The following PATJ variants were observed in gnomAD, a reference collection of about 807,000 sequenced individuals.
PATJ encodes the protein PATJ crumbs cell polarity complex component.
Under a neutral mutation model 224.9 loss-of-function variants are expected in PATJ, and 190 were observed. The ratio of observed to expected loss-of-function variants is 0.84; its 90% CI spans 0.75 to 0.95. The LOEUF is 0.95. Ranked by LOEUF, PATJ falls within the 40% of genes least tolerant of loss-of-function variation. The pLI, the probability that PATJ is intolerant of heterozygous loss-of-function variation, is 0.00. For synonymous variants in PATJ, 769 were observed against 820.3 expected (o/e 0.94, Z 1.07); for missense variants, 2,121 against 2,270.3 (o/e 0.93, Z 1.34).
rs143864042 is a variant in PATJ, at chr1:61,899,938, C to T, written c.3203+284C>T. Reference sequence around the variant, plus strand: ...TTTATCACTATGTCATTAAGCAAGTCAGGTAAAGCTGCCTTGAATGCAGTA... The same window carrying T: ...TTTATCACTATGTCATTAAGCAAGTTAGGTAAAGCTGCCTTGAATGCAGTA... On this transcript the variant is annotated intron_variant, in intron 23 of 43. Coordinates refer to ENST00000642238, the MANE Select transcript of PATJ (RefSeq NM_001350145.3). Among the ~76,000 whole-genome samples the T allele has an allele frequency of 1.4e-4, 21 of 152,294 alleles. No individual in the cohort carries two copies. The South Asian group carries it at 1.9e-3, about 14-fold the overall frequency.
intron 29 of PATJ, among the ~76,000 whole-genome samples, chr1:62,026,587 A>C (rs1227390736): frequency 6.6e-6 from 1 of 152,114 alleles, no homozygotes; most frequent in East Asian, 1.9e-4. Context: ...CAGCCTGCTC[A>C]ACAATCCAGG....
At chr1:62,116,498 G>A (rs759694871) in intron 35 of PATJ, 34 bp from the exon 36 acceptor site, 6 of 1,610,532 alleles carry the variant, frequency 3.7e-6, no homozygotes, top group Admixed American at 1.7e-5. Context: ...ATATTAGGTT[G>A]TGCCAATACT....
chr1:62,011,338 T>G (rs770264379), intron 28 of PATJ, among the ~76,000 whole-genome samples: 1 of 152,214 alleles, frequency 6.6e-6, no homozygotes, highest in South Asian at 2.1e-4. Context: ...TCCTTTTACT[T>G]GAACACTTAA....
At chr1:61,853,417 T>C (rs981628713) in intron 17 of PATJ, among the ~76,000 whole-genome samples, 2 of 152,148 alleles carry the variant, frequency 1.3e-5, no homozygotes, top group African/African-American at 4.8e-5. Flanking sequence ...TTTATTTGCT[T>C]TTGGTATATT....
intron 9 of PATJ, among the ~76,000 whole-genome samples, chr1:61,794,325 T>C (rs960000957): frequency 6.6e-6 from 1 of 151,940 alleles, no homozygotes; most frequent in African/African-American, 2.4e-5. Flanking sequence ...TTTAAATTTT[T>C]TGTGAGATGA....
chr1:62,008,768 A>T (rs1646253246), intron 28 of PATJ, among the ~76,000 whole-genome samples: 2 of 152,180 alleles, frequency 1.3e-5, no homozygotes, highest in Admixed American at 1.3e-4. Context: ...TAAATAAATA[A>T]ATAAGTAATT....
rs2148903544 is a variant in PATJ at position 62,117,900 on chromosome 1, G to T, written c.4890+682G>T. Among the ~76,000 whole-genome samples, 2 of 152,212 alleles carry T rather than the reference G, an allele frequency of 1.3e-5. 1 individual carries two copies. Among genetic ancestry groups the T allele is most frequent in the South Asian group, 4.1e-4 (2 of 4,824 alleles). ...TATGTGACCCCTAAGTCTCCTCTCT[G>T]GGTTATGGATAGGCCGCCTTAGTTT... On this transcript the variant is annotated intron_variant, in intron 37 of 43. Transcript: ENST00000642238.
At chr1:62,144,547 T>G (rs1388191453) in intron 41 of PATJ, among the ~76,000 whole-genome samples, 1 of 151,998 alleles carries the variant, frequency 6.6e-6, no homozygotes, top group African/African-American at 2.4e-5. Flanking sequence ...AAGGAGCTCT[T>G]GAGAAAGTAT....
chr1:62,071,911 C>T (rs1280086408), intron 31 of PATJ, among the ~76,000 whole-genome samples: 1 of 152,166 alleles, frequency 6.6e-6, no homozygotes, highest in African/African-American at 2.4e-5. Context: ...TACACCTCAC[C>T]ACCTGGGTGT....
At chr1:62,087,318 C>T (rs902276980) in intron 33 of PATJ, among the ~76,000 whole-genome samples, 1 of 152,046 alleles carries the variant, frequency 6.6e-6, no homozygotes, top group African/African-American at 2.4e-5. Context: ...AGTTGCTTCT[C>T]CTCAGTCAAG....
intron 27 of PATJ, among the ~76,000 whole-genome samples, chr1:61,933,207 G>A (rs1269332793): frequency 6.6e-6 from 1 of 152,162 alleles, no homozygotes; most frequent in Non-Finnish European, 1.5e-5. Flanking sequence ...TCAAAGGTAT[G>A]TATTGATGGT....
At chr1:61,790,411 T>A (rs1178885752) in intron 8 of PATJ, among the ~76,000 whole-genome samples, 2 of 152,030 alleles carry the variant, frequency 1.3e-5, no homozygotes, top group Admixed American at 1.3e-4. Flanking sequence ...AACAATATCC[T>A]TTGTTAGTTC....
At chr1:61,789,604 G>A (rs1352510797) in intron 8 of PATJ, among the ~76,000 whole-genome samples, 1 of 151,820 alleles carries the variant, frequency 6.6e-6, no homozygotes, top group Non-Finnish European at 1.5e-5. Context: ...CATGAGGCCA[G>A]GAGTTCGAGA....
chr1:61,855,620 G>A (rs1371070555), intron 17 of PATJ, among the ~76,000 whole-genome samples: 1 of 152,102 alleles, frequency 6.6e-6, no homozygotes, highest in South Asian at 2.1e-4. Context: ...TCGTCATGTT[G>A]TCCAGGCTGG....
At chr1:62,093,691 T>C (rs1445867049) in intron 33 of PATJ, among the ~76,000 whole-genome samples, 1 of 152,180 alleles carries the variant, frequency 6.6e-6, no homozygotes, top group Non-Finnish European at 1.5e-5. Context: ...AATATGAATA[T>C]AAGCAAAAAT....
At chr1:61,753,510 T>C (rs1645445582) in intron 1 of PATJ, among the ~76,000 whole-genome samples, 1 of 78,726 alleles carries the variant, frequency 1.3e-5, no homozygotes, top group East Asian at 3.8e-4. Context: ...CTTGATTCTA[T>C]TACATATTTT....
At chr1:61,939,106 G>A (rs1285939624) in intron 27 of PATJ, among the ~76,000 whole-genome samples, 2 of 103,634 alleles carry the variant, frequency 1.9e-5, no homozygotes, top group East Asian at 6.2e-4. Flanking sequence ...CTGGGCGACA[G>A]AGCGAGACTC....
At chr1:61,999,303 G>A (rs36100977) in intron 28 of PATJ, among the ~76,000 whole-genome samples, 1 of 151,980 alleles carries the variant, frequency 6.6e-6, no homozygotes, top group African/African-American at 2.4e-5. Flanking sequence ...AGTGACTGTA[G>A]TGAAATGCAG....
At chr1:61,897,862 T>TG (rs11460567) in intron 22 of PATJ, among the ~76,000 whole-genome samples, 130,703 of 152,148 alleles carry the variant, frequency 0.86, 56,194 homozygotes, top group East Asian at 1. Flanking sequence ...TGTTTTCCCC[T>TG]AATGCTGTGA....
Sources: allele counts gnomAD v4.1 joint callset (sites outside exome capture counted in the v4.1 genomes callset), GRCh38; gene constraint gnomAD v4.1.1; transcripts MANE v1.5; gene names NCBI Gene and HGNC (gene_info 2026-07-23, HGNC 2026-07-21).